MARK4: variants seen among roughly 807,000 people sequenced by gnomAD.
The protein encoded by MARK4 is MAP/microtubule affinity-regulating kinase 4.
A neutral mutation model predicts 81.5 loss-of-function variants in MARK4; 19 were observed. The ratio of observed to expected loss-of-function variants is 0.23; its 90% CI spans 0.16 to 0.34. The LOEUF (loss-of-function observed/expected upper bound fraction) is 0.34. Ranked by LOEUF, MARK4 falls within the 10% of genes least tolerant of loss-of-function variation. The pLI is 1.00. For synonymous variants in MARK4, 436 were observed against 439.0 expected, an observed-to-expected ratio of 0.99 and a Z score of 0.08; for missense variants, 772 against 1,058.8, an observed-to-expected ratio of 0.73 and a Z score of 3.76.
intron 16 of MARK4, among the ~76,000 whole-genome samples, chr19:45,301,485 A>G (rs1970971164): frequency 6.7e-6 from 1 of 148,886 alleles, no homozygotes; most frequent in Admixed American, 6.8e-5. Flanking sequence ...TGAACCCGGG[A>G]AGCAGAGGTT....
At chr19:45,282,231 A>G (rs1349608339) in intron 12 of MARK4, among the ~76,000 whole-genome samples, 1 of 143,758 alleles carries the variant, frequency 7.0e-6, no homozygotes, top group African/African-American at 2.5e-5. Flanking sequence ...AAAAAAATTA[A>G]AAAAAAAAAA....
At chr19:45,294,768 T>C (rs1295429736) in intron 14 of MARK4, among the ~76,000 whole-genome samples, 1 of 152,170 alleles carries the variant, frequency 6.6e-6, no homozygotes, top group Non-Finnish European at 1.5e-5. Context: ...TTCAGCGTCA[T>C]CTGGTTGGCT....
chr19:45,269,932 G>A (rs781420618), intron 7 of MARK4, among the ~76,000 whole-genome samples: 5 of 152,008 alleles, frequency 3.3e-5, no homozygotes, highest in African/African-American at 4.8e-5. Context: ...CAGCTCACGC[G>A]ATTCCTTGCC....
chr19:45,276,800 AT>A (rs879307312), intron 8 of MARK4, among the ~76,000 whole-genome samples: 687 of 129,778 alleles, frequency 5.3e-3, no homozygotes, highest in East Asian at 0.015. Context: ...TAATTTTTGT[AT>A]TTTTTTTTTT....
chr19:45,278,407 C>A, intron 9 of MARK4, 109 bp from the exon 10 acceptor site: 1 of 981,888 alleles, frequency 1.0e-6, no homozygotes, highest in Non-Finnish European at 1.6e-6. Context: ...TTAGGAAGCC[C>A]GCAATTCTGG....
chr19:45,269,775 T>C (rs2123050496), intron 7 of MARK4, among the ~76,000 whole-genome samples: 1 of 152,298 alleles, frequency 6.6e-6, no homozygotes. Context: ...TTTCCTCCCC[T>C]GTGAAATGGC....
chr19:45,300,606 G>C (rs775646000), intron 16 of MARK4, among the ~76,000 whole-genome samples: 6 of 152,136 alleles, frequency 3.9e-5, no homozygotes, highest in Non-Finnish European at 2.9e-5. Context: ...AAACAAATGG[G>C]TATGGCAGTG....
intron 1 of MARK4, among the ~76,000 whole-genome samples, chr19:45,256,055 C>A (rs1021987623): frequency 2.6e-5 from 4 of 152,206 alleles, no homozygotes; most frequent in African/African-American, 9.6e-5. Flanking sequence ...TTCTCAAGCC[C>A]TGGGTGTTTC....
At chr19:45,298,037 T>TC in intron 15 of MARK4, 83 bp downstream of exon 15, 1 of 1,552,980 alleles carries the variant, frequency 6.4e-7, no homozygotes, top group Non-Finnish European at 8.7e-7. Context: ...CTCTGTCTCC[T>TC]GTACCCCAAC....
rs555725311 is a variant in MARK4, at chr19:45,265,883, GT to G, written c.493-341del. ...AGGGTGTTTCTGCCTTGACGCTGCTGTCCTGAACTCAAGGGCCATAAGCCCT... is the reference window on the plus strand; with the variant it reads ...AGGGTGTTTCTGCCTTGACGCTGCTGCCTGAACTCAAGGGCCATAAGCCCT... On this transcript the variant is annotated intron_variant, in intron 6 of 16. Transcript: ENST00000262891. Among the ~76,000 whole-genome samples the G allele has an allele frequency of 2.4e-4, 37 of 152,094 alleles. No homozygotes were observed. The South Asian group carries it at 6.8e-3, about 28-fold the overall frequency.
At chr19:45,251,731 C>T (rs1250953057) in intron 1 of MARK4, 92 bp downstream of exon 1, 2 of 1,239,218 alleles carry the variant, frequency 1.6e-6, no homozygotes, top group Non-Finnish European at 2.2e-6. Context: ...GAGCCCCTAC[C>T]CTCGTTTCCT....
At chr19:45,266,604 C>G (rs1190129601) in intron 7 of MARK4, among the ~76,000 whole-genome samples, 4 of 152,056 alleles carry the variant, frequency 2.6e-5, no homozygotes, top group Admixed American at 2.6e-4. Flanking sequence ...GGGTTTGTCG[C>G]TCTCAGAGCC....
chr19:45,303,586 A>G lies in MARK4; in HGVS notation c.*876A>G, dbSNP rs1046739718. On this transcript the variant is annotated 3_prime_UTR_variant, in exon 17 of 17. Coordinates refer to ENST00000262891, the MANE Select transcript of MARK4 (RefSeq NM_001199867.2). Reference sequence around the variant, plus strand: ...CCCCAGTTCCTATATCGGGCCCCCCATTCATCCACTCACACTCCCAGCCAC... The same window carrying G: ...CCCCAGTTCCTATATCGGGCCCCCCGTTCATCCACTCACACTCCCAGCCAC... 2.0e-5 allele frequency: 3 copies of G among 152,112 alleles called. No individual in the cohort carries two copies. The highest frequency in any genetic ancestry group is 7.2e-5 in the African/African-American group (3 of 41,404). The allele number at this position is 152,112 out of a possible 1,614,324, so 9.4% of individuals were successfully genotyped here.
intron 13 of MARK4, among the ~76,000 whole-genome samples, chr19:45,292,116 C>T (rs770856146): frequency 2.8e-4 from 43 of 152,020 alleles, no homozygotes; most frequent in Non-Finnish European, 5.3e-4. Flanking sequence ...CAGCAAAGTA[C>T]GAAAATATCC....
Position 45,263,098 on chromosome 19 carries a change from T to C in MARK4, c.253-15T>C, listed in dbSNP as rs1482012573. The C allele has an allele frequency of 8.1e-6, 13 of 1,599,212 alleles. 1 individual carries two copies. The highest frequency in any genetic ancestry group is 1.7e-4 in the Middle Eastern group (1 of 6,042). On this transcript the variant is annotated splice_polypyrimidine_tract_variant and intron_variant, in intron 2 of 16. Transcript: ENST00000262891. ...TGGCACCTTGACCGTCCCTCCTCCT[T>C]TCCTCCCCCTCTAGGTTGCCATCAA...
rs376158755 is a variant in MARK4 at position 45,298,236 on chromosome 19, A to C, written c.1877+282A>C. 11 of 1,613,526 alleles carry C rather than the reference A, an allele frequency of 6.8e-6. No individual in the cohort carries two copies. The African/African-American group carries it at 1.5e-4, about 22-fold the overall frequency. On this transcript the variant is annotated intron_variant, in intron 15 of 16. Coordinates refer to ENST00000262891, the MANE Select transcript of MARK4 (RefSeq NM_001199867.2). Reference sequence around the variant, plus strand: ...GATCCAAGATCAGTAAGTCCCGTCCATGCCCTGTTCTCGCTGGCTCTGCCT... The same window carrying C: ...GATCCAAGATCAGTAAGTCCCGTCCCTGCCCTGTTCTCGCTGGCTCTGCCT...
chr19:45,264,393 C>G (rs554486060), intron 4 of MARK4, among the ~76,000 whole-genome samples: 1 of 150,354 alleles, frequency 6.7e-6, no homozygotes, highest in Non-Finnish European at 1.5e-5. Flanking sequence ...CCCAGCTACT[C>G]GGGAGGCTGA....
In MARK4 at chr19:45,272,843, G is replaced by A. The variant is rs182652179; in HGVS notation, c.786+1135G>A. On this transcript the variant is annotated intron_variant, in intron 8 of 16. Transcript: ENST00000262891. Reference sequence around the variant, plus strand: ...GCAGAGGTTGCAGTGAGTCAAGATTGTGCCACTGCACTCCAGCCTGGGCGA... The same window carrying A: ...GCAGAGGTTGCAGTGAGTCAAGATTATGCCACTGCACTCCAGCCTGGGCGA... Among the ~76,000 whole-genome samples the A allele has an allele frequency of 3.6e-3, 543 of 152,200 alleles. 1 individual carries two copies. Among genetic ancestry groups the A allele is most frequent in the African/African-American group, 0.011 (459 of 41,536 alleles).
At chr19:45,255,170 T>G (rs1017906910) in intron 1 of MARK4, among the ~76,000 whole-genome samples, 1 of 151,684 alleles carries the variant, frequency 6.6e-6, no homozygotes, top group African/African-American at 2.4e-5. Flanking sequence ...ACCACTGCAC[T>G]TCAGCCTGGG....
Sources: gnomAD v4.1 joint callset for allele counts (sites outside exome capture counted in the v4.1 genomes callset) on GRCh38, gnomAD v4.1.1 for gene constraint, MANE v1.5 for transcripts, NCBI Gene and HGNC (gene_info 2026-07-23, HGNC 2026-07-21) for gene names.